Variants in WWOX observed in about 807,000 individuals in gnomAD.
WWOX encodes WW domain-containing oxidoreductase.
Under a neutral mutation model 46.2 loss-of-function variants are expected in WWOX, and 69 were observed. That is an observed-to-expected ratio of 1.49 (90% CI 1.23 to 1.82). The LOEUF (loss-of-function observed/expected upper bound fraction) is 1.82, where lower values mean the gene tolerates loss of function less well. WWOX is among the 40% of genes most tolerant of loss of function. The pLI is 0.00. For synonymous variants in WWOX, 359 were observed against 202.6 expected, an observed-to-expected ratio of 1.77 and a Z score of -6.56; for missense variants, 919 against 542.6, an observed-to-expected ratio of 1.69 and a Z score of -6.89.
intron 8 of WWOX, among the ~76,000 whole-genome samples, chr16:79,093,072 A>T (rs942305772): frequency 1.3e-5 from 2 of 152,268 alleles, no homozygotes; most frequent in Admixed American, 1.3e-4. Context: ...CTGTAAAGAA[A>T]GATGCTGAGC....
chr16:79,037,162 C>T (rs1041706532), intron 8 of WWOX, among the ~76,000 whole-genome samples: 1 of 152,184 alleles, frequency 6.6e-6, no homozygotes. Context: ...GCTGCCTTGA[C>T]TGCCAGCACC....
At chr16:78,194,088 C>T (rs560330277) in intron 5 of WWOX, among the ~76,000 whole-genome samples, 2 of 151,432 alleles carry the variant, frequency 1.3e-5, no homozygotes, top group African/African-American at 4.8e-5. Context: ...CTGAAGTAGC[C>T]GGGATGGTCT....
intron 8 of WWOX, among the ~76,000 whole-genome samples, chr16:78,779,256 C>T (rs1395189188): frequency 3.3e-5 from 5 of 152,158 alleles, no homozygotes; most frequent in African/African-American, 1.2e-4. Flanking sequence ...GGGATCCTCC[C>T]ATCTCAGCCT....
intron 8 of WWOX, among the ~76,000 whole-genome samples, chr16:78,735,426 C>CACACAA (rs57609552): frequency 0.02 from 3,035 of 150,272 alleles, 62 homozygotes; most frequent in African/African-American, 0.051. Flanking sequence ...CACACACACA[C>CACACAA]TAATATGGTT....
intron 5 of WWOX, among the ~76,000 whole-genome samples, chr16:78,358,599 A>C (rs1384113343): frequency 6.6e-6 from 1 of 152,168 alleles, no homozygotes; most frequent in East Asian, 1.9e-4. Context: ...TGGAGTTTGC[A>C]GTGAGCCGAG....
At chr16:78,301,480 T>C (rs2080040572) in intron 5 of WWOX, among the ~76,000 whole-genome samples, 1 of 152,238 alleles carries the variant, frequency 6.6e-6, no homozygotes, top group African/African-American at 2.4e-5. Context: ...TGTACCTTTA[T>C]GAATCTGGTT....
At chr16:78,397,559 C>T (rs7197711) in intron 6 of WWOX, among the ~76,000 whole-genome samples, 3,406 of 152,288 alleles carry the variant, frequency 0.022, 126 homozygotes, top group African/African-American at 0.078. Flanking sequence ...GCTCAGCTTG[C>T]ATAGTAGCTT....
At chr16:78,543,848 CT>C (rs1348860861) in intron 8 of WWOX, among the ~76,000 whole-genome samples, 1 of 152,142 alleles carries the variant, frequency 6.6e-6, no homozygotes, top group Non-Finnish European at 1.5e-5. Context: ...TGTCTTCCTG[CT>C]TATGACTCTG....
At chr16:78,189,550 C>G (rs2035815857) in intron 5 of WWOX, among the ~76,000 whole-genome samples, 1 of 152,188 alleles carries the variant, frequency 6.6e-6, no homozygotes, top group Admixed American at 6.5e-5. Flanking sequence ...GACAAGAGGT[C>G]TGAAGTCTAT....
chr16:78,972,727 C>T (rs138887673), intron 8 of WWOX, among the ~76,000 whole-genome samples: 3 of 152,348 alleles, frequency 2.0e-5, no homozygotes, highest in Admixed American at 6.5e-5. Flanking sequence ...TCACCCAAGA[C>T]TCCCACTTTA....
intron 8 of WWOX, among the ~76,000 whole-genome samples, chr16:78,870,813 G>T (rs1402887677): frequency 1.3e-5 from 2 of 152,138 alleles, no homozygotes; most frequent in African/African-American, 4.8e-5. Context: ...TGTTGCCCAG[G>T]GTTGTCTCGA....
At chr16:79,127,378 C>A (rs570349386) in intron 8 of WWOX, among the ~76,000 whole-genome samples, 2 of 152,286 alleles carry the variant, frequency 1.3e-5, no homozygotes, top group African/African-American at 4.8e-5. Context: ...TTGCTATACA[C>A]ACCTTGCTCT....
At chr16:79,027,279 CAA>C (rs57848394) in intron 8 of WWOX, among the ~76,000 whole-genome samples, 4 of 125,512 alleles carry the variant, frequency 3.2e-5, no homozygotes, top group Admixed American at 8.0e-5. Context: ...GACTCCATCT[CAA>C]AAAAAAAAAA....
At chr16:78,968,065 GTGGTCTGTATGGCACAGTGCA>G (rs2046395796) in intron 8 of WWOX, among the ~76,000 whole-genome samples, 1 of 151,348 alleles carries the variant, frequency 6.6e-6, no homozygotes, top group Non-Finnish European at 1.5e-5. Flanking sequence ...GGCACAGTGT[GTGGTCTGTATGGCACAGTGCA>G]TGGTCCGCAT....
intron 8 of WWOX, among the ~76,000 whole-genome samples, chr16:78,928,333 G>A (rs540560895): frequency 6.6e-6 from 1 of 151,156 alleles, no homozygotes; most frequent in Admixed American, 6.6e-5. Flanking sequence ...CTCCCGAGTA[G>A]CTGGGACTAC....
chr16:78,946,538 A>G (rs2045952301), intron 8 of WWOX, among the ~76,000 whole-genome samples: 1 of 152,052 alleles, frequency 6.6e-6, no homozygotes, highest in African/African-American at 2.4e-5. Flanking sequence ...ATGCACACAA[A>G]ATGACCAAAC....
chr16:78,668,710 T>C (rs573222459), intron 8 of WWOX, among the ~76,000 whole-genome samples: 1 of 152,142 alleles, frequency 6.6e-6, no homozygotes, highest in South Asian at 2.1e-4. Flanking sequence ...GGAATCTACA[T>C]GGGTGTTTGT....
At chr16:78,574,335 G>T (rs569592995) in intron 8 of WWOX, among the ~76,000 whole-genome samples, 3 of 152,310 alleles carry the variant, frequency 2.0e-5, no homozygotes, top group East Asian at 1.9e-4. Flanking sequence ...TCAAAGGGAG[G>T]ACACTGCACA....
At chr16:78,454,714 C>G (rs2083775589) in intron 8 of WWOX, among the ~76,000 whole-genome samples, 1 of 152,068 alleles carries the variant, frequency 6.6e-6, no homozygotes, top group Admixed American at 6.6e-5. Flanking sequence ...TCAGGCTGGT[C>G]TCGAACTCTC....
Sources: allele counts gnomAD v4.1 joint callset (sites outside exome capture counted in the v4.1 genomes callset), GRCh38; gene constraint gnomAD v4.1.1; transcripts MANE v1.5; gene names NCBI Gene and HGNC (gene_info 2026-07-23, HGNC 2026-07-21).